The following SOX6 variants were observed in gnomAD, a reference collection of about 807,000 sequenced individuals.
The protein encoded by SOX6 is transcription factor SOX-6.
A neutral mutation model predicts 97.8 loss-of-function variants in SOX6; 11 were observed. The ratio of observed to expected loss-of-function variants is 0.11; its 90% confidence interval spans 0.07 to 0.19. The LOEUF (loss-of-function observed/expected upper bound fraction) is 0.19, where lower values mean the gene tolerates loss of function less well. Ranked by LOEUF, SOX6 falls within the 10% of genes least tolerant of loss-of-function variation. The probability of loss-of-function intolerance (pLI) is 1.00; values close to 1 mark genes in which losing one functional copy is unlikely to be tolerated. For missense variants in SOX6, 810 were observed against 1,039.5 expected (o/e 0.78, Z 3.04); for synonymous variants, 360 against 371.4 (o/e 0.97, Z 0.35).
chr11:16,192,783 C>A (rs990017838), intron 4 of SOX6, among the ~76,000 whole-genome samples: 1 of 152,034 alleles, frequency 6.6e-6, no homozygotes, highest in Admixed American at 6.6e-5. Flanking sequence ...TATTTAAAAG[C>A]CTTTTTTTAC....
intron 4 of SOX6, among the ~76,000 whole-genome samples, chr11:16,595,660 A>G (rs533768398): frequency 6.6e-6 from 1 of 151,696 alleles, no homozygotes. Flanking sequence ...CTGTAGTCGC[A>G]GCTACTCAGG....
Position 16,120,869 on chromosome 11 carries a change from A to T in SOX6, c.778-8946T>A, listed in dbSNP as rs1037972019. On this transcript the variant is annotated intron_variant, in intron 6 of 15. Transcript: ENST00000683767. ...TCTACTTCACAGTCTAGCACTTTCC[A>T]ACTCTCTTCCATAGTTACAGAGGAA... 7.9e-5 allele frequency among the ~76,000 whole-genome samples: 12 copies of T among 152,104 alleles called. No homozygotes were observed. In the South Asian group the frequency reaches 1.0e-3, roughly 13 times the overall value.
At chr11:16,173,187 C>T (rs1428069413) in intron 6 of SOX6, among the ~76,000 whole-genome samples, 2 of 151,914 alleles carry the variant, frequency 1.3e-5, no homozygotes, top group Non-Finnish European at 2.9e-5. Context: ...TTGAAGTTGG[C>T]ATCCACACAA....
chr11:16,523,741 C>A (rs186592615), intron 4 of SOX6, among the ~76,000 whole-genome samples: 1 of 151,776 alleles, frequency 6.6e-6, no homozygotes, highest in African/African-American at 2.4e-5. Flanking sequence ...ACTAGCAAGA[C>A]TAATAAAGAA....
intron 3 of SOX6, among the ~76,000 whole-genome samples, chr11:16,633,352 C>T (rs1219647243): frequency 6.6e-6 from 1 of 152,142 alleles, no homozygotes; most frequent in Non-Finnish European, 1.5e-5. Context: ...GATGTATGTT[C>T]CTCTCTTTAT....
intron 2 of SOX6, among the ~76,000 whole-genome samples, chr11:16,324,945 T>C (rs1856033080): frequency 1.3e-5 from 2 of 152,024 alleles, no homozygotes; most frequent in Admixed American, 1.3e-4. Context: ...GAGGAGTTGG[T>C]TGATGAGTAT....
intron 9 of SOX6, among the ~76,000 whole-genome samples, chr11:16,091,982 ATTAAGT>A (rs1848700891): frequency 6.6e-6 from 1 of 152,064 alleles, no homozygotes. Context: ...CTGTAACAAT[ATTAAGT>A]TTGTTTTTTT....
chr11:16,195,404 A>G (rs1355348868), intron 4 of SOX6, among the ~76,000 whole-genome samples: 1 of 152,180 alleles, frequency 6.6e-6, no homozygotes. Context: ...AAAAGTTAGG[A>G]GCAATGTTCT....
chr11:16,144,303 T>C (rs904670717), intron 6 of SOX6, among the ~76,000 whole-genome samples: 18 of 152,046 alleles, frequency 1.2e-4, no homozygotes, highest in Non-Finnish European at 2.1e-4. Context: ...TTGAAACCAA[T>C]GAGAACAAAG....
intron 3 of SOX6, among the ~76,000 whole-genome samples, chr11:16,291,933 G>A (rs1854930106): frequency 6.6e-6 from 1 of 152,096 alleles, no homozygotes; most frequent in Admixed American, 6.6e-5. Flanking sequence ...CATGGTCTGT[G>A]ACCTTATCAT....
At chr11:16,132,272 AAGGAAGGAAGGAAGGAAG>A (rs1849766172) in intron 6 of SOX6, among the ~76,000 whole-genome samples, 1 of 9,960 alleles carries the variant, frequency 1.0e-4, no homozygotes, top group Admixed American at 1.7e-3. Context: ...AGAAAGAAGG[AAGGAAGGAAGGAAGGAAG>A]GAAGGAAGGA....
At chr11:16,299,138 T>C (rs900379307) in intron 3 of SOX6, among the ~76,000 whole-genome samples, 4 of 152,206 alleles carry the variant, frequency 2.6e-5, no homozygotes, top group Non-Finnish European at 4.4e-5. Context: ...ATACAAATAG[T>C]ATTTGATTTA....
chr11:15,973,742 G>A (rs192030713), intron 15 of SOX6, among the ~76,000 whole-genome samples: 2 of 152,282 alleles, frequency 1.3e-5, no homozygotes, highest in Non-Finnish European at 2.9e-5. Flanking sequence ...CTGGGGTTGG[G>A]ATTAAGAGAG....
At chr11:16,325,248 GA>G (rs1004085751) in intron 2 of SOX6, among the ~76,000 whole-genome samples, 15 of 151,902 alleles carry the variant, frequency 9.9e-5, no homozygotes, top group East Asian at 1.9e-4. Context: ...TGTATTAAAT[GA>G]AAAAAAGCAT....
intron 2 of SOX6, among the ~76,000 whole-genome samples, chr11:16,330,112 A>G (rs1459354002): frequency 6.6e-6 from 1 of 152,276 alleles, no homozygotes; most frequent in Non-Finnish European, 1.5e-5. Flanking sequence ...CCTAAACTCA[A>G]TATACTCAGT....
chr11:16,087,470 C>T (rs1409388996), intron 9 of SOX6, among the ~76,000 whole-genome samples: 1 of 152,150 alleles, frequency 6.6e-6, no homozygotes, highest in African/African-American at 2.4e-5. Context: ...CTGTGAAAGG[C>T]AGACTTATAT....
intron 3 of SOX6, among the ~76,000 whole-genome samples, chr11:16,258,659 T>C (rs1393231073): frequency 6.6e-6 from 1 of 152,014 alleles, no homozygotes; most frequent in South Asian, 2.1e-4. Context: ...TATACATTTG[T>C]CAAAACCTAT....
At chr11:16,317,108 G>T (rs1414811393) in intron 3 of SOX6, 1 of 151,626 alleles carries the variant, frequency 6.6e-6, no homozygotes, top group Non-Finnish European at 1.5e-5. Context: ...TATACAAAAA[G>T]ATATATATAT....
At chr11:16,232,486 G>A (rs2134172791) in intron 4 of SOX6, among the ~76,000 whole-genome samples, 1 of 151,956 alleles carries the variant, frequency 6.6e-6, no homozygotes, top group Middle Eastern at 3.4e-3. Context: ...ATTTGAAAAG[G>A]CTAATTTTTC....
Sources: gnomAD v4.1 joint callset for allele counts (sites outside exome capture counted in the v4.1 genomes callset) on GRCh38, gnomAD v4.1.1 for gene constraint, MANE v1.5 for transcripts, NCBI Gene and HGNC (gene_info 2026-07-23, HGNC 2026-07-21) for gene names.